The following PAGE2B variants were observed in gnomAD, a reference collection of about 807,000 sequenced individuals.
The protein encoded by PAGE2B is PAGE family member 2B.
A neutral mutation model predicts 7.6 loss-of-function variants in PAGE2B; 5 were observed. The ratio of observed to expected loss-of-function variants is 0.66; its 90% CI spans 0.34 to 1.38. The LOEUF is 1.38. Ranked by LOEUF, PAGE2B falls within the 40% of genes most tolerant of loss-of-function variation. PAGE2B has a pLI of 0.04. For synonymous variants in PAGE2B, 29 were observed against 26.7 expected (o/e 1.09, Z -0.27); for missense variants, 70 against 78.4 (o/e 0.89, Z 0.41).
chrX:55,065,298 T>TAGTG, the PAGE2B span, among the ~76,000 whole-genome samples: 1 of 112,080 alleles, frequency 8.9e-6, no homozygotes, highest in Non-Finnish European at 1.9e-5. Context: ...TAGCATTATA[T>TAGTG]AGTGACCTTC....
chrX:55,030,623 G>A, the PAGE2B span, among the ~76,000 whole-genome samples: 5 of 111,257 alleles, frequency 4.5e-5, no homozygotes, highest in South Asian at 3.8e-4. Flanking sequence ...GGGAGAGAAA[G>A]AAATTTAGAG....
chrX:55,075,636 C>A (rs1936502185), intron 1 of PAGE2B, among the ~76,000 whole-genome samples: 1 of 111,466 alleles, frequency 9.0e-6, no homozygotes, highest in Non-Finnish European at 1.9e-5. Context: ...CGAGGCTGTG[C>A]TTTCCAACAA....
the PAGE2B span, among the ~76,000 whole-genome samples, chrX:55,069,146 G>T: frequency 8.9e-6 from 1 of 111,754 alleles, no homozygotes; most frequent in East Asian, 2.8e-4. Context: ...TCCAGTTTTT[G>T]CCCATTCAGT....
At position 55,076,104 on chromosome X, in the gene PAGE2B, C is replaced by T. The variant is rs778309467; in HGVS notation, c.63C>T (p.Ser21=). 3.3e-6 allele frequency: 4 copies of T among 1,207,827 alleles called. No homozygotes were observed. Among genetic ancestry groups the T allele is most frequent in the Non-Finnish European group, 4.5e-6 (4 of 892,695 alleles). ...AAAGAGGAAATGACCAAGAGTCTTC[C>T]CAGCCAGTTGGATCTGTGATTGTGA... The part of the protein sequence containing the change: ...SSERGNDQES[S]QPVGSVIVQE... Residue 21 remains serine, a synonymous_variant, in exon 2 of 5, where the codon TCC becomes TCT. Coordinates refer to ENST00000374971, the MANE Select transcript of PAGE2B (RefSeq NM_001015038.3).
chrX:55,075,219 G>C (rs1936492829), intron 1 of PAGE2B, 105 bp downstream of exon 1: 1 of 138,392 alleles, frequency 7.2e-6, no homozygotes, highest in African/African-American at 3.2e-5. Flanking sequence ...GGCTTCCGAG[G>C]GAAAAGGGCC....
At chrX:55,042,511 G>A in the PAGE2B span, among the ~76,000 whole-genome samples, 31 of 106,335 alleles carry the variant, frequency 2.9e-4, no homozygotes, top group East Asian at 8.5e-3. Flanking sequence ...AAAATTAGCC[G>A]GGCGTAGTGG....
the PAGE2B span, among the ~76,000 whole-genome samples, chrX:55,068,192 C>T: frequency 8.9e-6 from 1 of 112,257 alleles, no homozygotes; most frequent in Non-Finnish European, 1.9e-5. Flanking sequence ...GGTTTTAGAT[C>T]TTACGTTTAA....
chrX:55,030,146 T>A, the PAGE2B span, among the ~76,000 whole-genome samples: 15 of 111,244 alleles, frequency 1.3e-4, no homozygotes, highest in Admixed American at 1.3e-3. Flanking sequence ...AACAGGAAAA[T>A]TTAGAAGATC....
At chrX:55,051,893 TAG>T in the PAGE2B span, among the ~76,000 whole-genome samples, 2 of 112,053 alleles carry the variant, frequency 1.8e-5, no homozygotes, top group African/African-American at 6.5e-5. Flanking sequence ...CTCTGATTTT[TAG>T]AGTTTCCGGT....
the PAGE2B span, among the ~76,000 whole-genome samples, chrX:55,068,196 C>T: frequency 1.6e-4 from 18 of 112,210 alleles, no homozygotes; most frequent in East Asian, 5.6e-4. Context: ...TTAGATCTTA[C>T]GTTTAAGTCT....
chrX:55,034,449 A>G, the PAGE2B span, among the ~76,000 whole-genome samples: 1 of 111,366 alleles, frequency 9.0e-6, no homozygotes, highest in African/African-American at 3.3e-5. Context: ...CAATTTTAGT[A>G]ATCAATATTT....
At chrX:55,057,778 C>T in the PAGE2B span, among the ~76,000 whole-genome samples, 1 of 111,707 alleles carries the variant, frequency 9.0e-6, no homozygotes, top group Non-Finnish European at 1.9e-5. Flanking sequence ...TGTTTTGGGT[C>T]CAGTATCAAA....
the PAGE2B span, among the ~76,000 whole-genome samples, chrX:55,064,637 T>G: frequency 4.1e-3 from 446 of 107,597 alleles, 4 homozygotes; most frequent in African/African-American, 0.014. Context: ...GCAATGTTGG[T>G]TTTTTTTTTA....
At position 55,077,521 on chromosome X, in the gene PAGE2B, G is replaced by A. The variant is rs1332458254; in HGVS notation, c.316G>A (p.Ala106Thr). 8 of 1,210,459 alleles carry A rather than the reference G, an allele frequency of 6.6e-6. No homozygotes were observed. Among genetic ancestry groups the A allele is most frequent in the South Asian group, 1.8e-5 (1 of 56,828 alleles). The change falls in exon 4 of 5, where the codon GCA (alanine) becomes ACA (threonine). Residue 106 changes from alanine to threonine, a missense_variant. Transcript: ENST00000374971. The stretch of plus-strand genomic sequence containing the variant: ...TTTTGATCTCACTAAAGTGCTGGAA[G>A]CAGGTTTGTTATTCATTTAAGATGC... ...PTFDLTKVLE[A>T]GDAQP is the part of the protein sequence containing the mutation.
At chrX:55,048,743 A>G in the PAGE2B span, among the ~76,000 whole-genome samples, 2 of 111,634 alleles carry the variant, frequency 1.8e-5, no homozygotes, top group African/African-American at 3.3e-5. Context: ...CAATCATGTC[A>G]TCTGCAAACA....
the PAGE2B span, among the ~76,000 whole-genome samples, chrX:55,069,886 A>G: frequency 2.7e-5 from 3 of 111,226 alleles, no homozygotes; most frequent in Admixed American, 2.9e-4. Context: ...ATCGGTGGTG[A>G]TATCCCCTTT....
At chrX:55,059,513 T>C in the PAGE2B span, among the ~76,000 whole-genome samples, 1 of 111,696 alleles carries the variant, frequency 9.0e-6, no homozygotes, top group Admixed American at 9.5e-5. Flanking sequence ...ATACAAATTA[T>C]ATATATATGA....
chrX:55,043,816 A>G, the PAGE2B span, among the ~76,000 whole-genome samples: 1 of 109,227 alleles, frequency 9.2e-6, no homozygotes, highest in Non-Finnish European at 1.9e-5. Flanking sequence ...AAAATACAAA[A>G]TCGGGCGAGT....
chrX:55,046,591 T>C, the PAGE2B span, among the ~76,000 whole-genome samples: 1 of 112,268 alleles, frequency 8.9e-6, no homozygotes, highest in Non-Finnish European at 1.9e-5. Context: ...ATAGGTGGAC[T>C]AAAGGAAGCT....
Sources: gnomAD v4.1 joint callset for allele counts (sites outside exome capture counted in the v4.1 genomes callset) on GRCh38, gnomAD v4.1.1 for gene constraint, MANE v1.5 for transcripts, NCBI Gene and HGNC (gene_info 2026-07-23, HGNC 2026-07-21) for gene names.